The following RPS6KA2 variants were observed in gnomAD, a reference collection of about 807,000 sequenced individuals.
RPS6KA2 encodes the protein ribosomal protein S6 kinase A2.
RPS6KA2 carries 42 observed loss-of-function variants against 91.8 expected under a neutral mutation model. The observed-to-expected ratio is 0.46, with a 90% CI of 0.36 to 0.59. The LOEUF (loss-of-function observed/expected upper bound fraction) is 0.59, where lower values mean the gene tolerates loss of function less well. RPS6KA2 is among the 20% of genes least tolerant of loss of function. The pLI, the probability that RPS6KA2 is intolerant of heterozygous loss-of-function variation, is 0.00. For missense variants in RPS6KA2, 798 were observed against 978.5 expected (o/e 0.82, Z 2.46); for synonymous variants, 414 against 393.6 (o/e 1.05, Z -0.61).
At chr6:166,470,663 C>A (rs1161311378) in intron 10 of RPS6KA2, among the ~76,000 whole-genome samples, 1 of 152,152 alleles carries the variant, frequency 6.6e-6, no homozygotes, top group East Asian at 1.9e-4. Flanking sequence ...CACTGTCCCC[C>A]CAGAACGAGC....
Position 166,568,621 on chromosome 6 carries a change from G to GAAAAAA in RPS6KA2, c.100-29843_100-29838dup, listed in dbSNP as rs60613942. ...ACAACAAGAGCAAAACTCCATCTCA[G>GAAAAAA]AAAAAAAAAAAAAAAAAAAAAAAAA... On this transcript the variant is annotated intron_variant, in intron 1 of 20. Coordinates refer to ENST00000265678, the MANE Select transcript of RPS6KA2 (RefSeq NM_021135.6). Among the ~76,000 whole-genome samples the GAAAAAA allele has an allele frequency of 9.9e-4, 45 of 45,542 alleles. 7 individuals are homozygous for GAAAAAA. The highest frequency in any genetic ancestry group is 1.3e-3 in the Admixed American group (4 of 3,058). 29.9% of individuals were successfully genotyped at this position (45,542 alleles called of 152,430 possible).
intron 14 of RPS6KA2, among the ~76,000 whole-genome samples, chr6:166,443,219 A>T (rs1779574037): frequency 6.6e-6 from 1 of 152,210 alleles, no homozygotes; most frequent in Non-Finnish European, 1.5e-5. Context: ...TTATGGATAT[A>T]GTGAGTTTAT....
intron 3 of RPS6KA2, among the ~76,000 whole-genome samples, chr6:166,515,648 G>A (rs1485717662): frequency 2.6e-5 from 4 of 152,152 alleles, no homozygotes; most frequent in Admixed American, 2.6e-4. Context: ...TGGCTCTGCA[G>A]CAGAGGAGAA....
At position 166,626,865 on chromosome 6, in the gene RPS6KA2, C is replaced by T; in HGVS notation, c.99+56G>A. ...CCAGGGGTGGCGAGGCGGGCTCGGG[C>T]GACCACGGCCCGCTCAGTGCCCGGC... On this transcript the variant is annotated intron_variant, in intron 1 of 20. Transcript: ENST00000265678. This position sits in a 1 kb window ranked among gnomAD's most constrained non-coding sequence, Gnocchi z 4.1. 1 of 1,342,254 alleles carries T rather than the reference C, an allele frequency of 7.5e-7. No individual in the cohort carries two copies. The highest frequency in any genetic ancestry group is 3.1e-5 in the East Asian group (1 of 32,602). The allele number at this position is 1,342,254 out of a possible 1,614,324, so 83.1% of individuals were successfully genotyped here.
intron 12 of RPS6KA2, among the ~76,000 whole-genome samples, chr6:166,458,204 T>G (rs1177739500): frequency 2.0e-5 from 3 of 152,230 alleles, no homozygotes; most frequent in African/African-American, 7.2e-5. Context: ...AATCTCATCT[T>G]GGAGCCCTCA....
chr6:166,457,508 A>G (rs1780141525), intron 12 of RPS6KA2, among the ~76,000 whole-genome samples: 1 of 152,222 alleles, frequency 6.6e-6, no homozygotes, highest in Non-Finnish European at 1.5e-5. Flanking sequence ...AGGCAGCCTC[A>G]TTACATCATG....
At chr6:166,786,086 G>A (rs1562439190) in intron 2 of RPS6KA2, among the ~76,000 whole-genome samples, 1 of 152,124 alleles carries the variant, frequency 6.6e-6, no homozygotes. Context: ...TGTTATTTGA[G>A]AAAATTGAGT....
At chr6:166,553,174 A>G (rs1784070022) in intron 1 of RPS6KA2, among the ~76,000 whole-genome samples, 1 of 152,216 alleles carries the variant, frequency 6.6e-6, no homozygotes, top group South Asian at 2.1e-4. Flanking sequence ...GCTGGAGTGC[A>G]GTGGTGCAAA....
intron 1 of RPS6KA2, among the ~76,000 whole-genome samples, chr6:166,584,688 T>C (rs1333154563): frequency 2.0e-5 from 3 of 152,258 alleles, no homozygotes; most frequent in Non-Finnish European, 4.4e-5. Context: ...CTTTATTTTA[T>C]AGTAATTTTA....
intron 2 of RPS6KA2, among the ~76,000 whole-genome samples, chr6:166,836,941 C>T (rs1399640092): frequency 6.6e-6 from 1 of 152,174 alleles, no homozygotes; most frequent in African/African-American, 2.4e-5. Context: ...CAGTGTGCCC[C>T]GTCTTCAGTC....
At chr6:166,687,539 GA>G (rs1789062049) in intron 2 of RPS6KA2, among the ~76,000 whole-genome samples, 1 of 152,184 alleles carries the variant, frequency 6.6e-6, no homozygotes, top group African/African-American at 2.4e-5. Context: ...GGTTTGGAGG[GA>G]AAATTGTTGA....
At chr6:166,570,541 C>T (rs1053143760) in intron 1 of RPS6KA2, among the ~76,000 whole-genome samples, 4 of 152,118 alleles carry the variant, frequency 2.6e-5, no homozygotes, top group African/African-American at 7.2e-5. Flanking sequence ...GAAGTAAGCA[C>T]AGAAATAGAA....
At position 166,445,366 on chromosome 6, in the gene RPS6KA2, G is replaced by T. The variant is rs906896339; in HGVS notation, c.1332+3358C>A. 2.0e-5 allele frequency among the ~76,000 whole-genome samples: 3 copies of T among 152,142 alleles called. No homozygotes were observed. The highest frequency in any genetic ancestry group is 4.4e-5 in the Non-Finnish European group (3 of 68,022). On this transcript the variant is annotated intron_variant, in intron 14 of 20. Transcript: ENST00000265678. This position sits in a 1 kb window ranked among gnomAD's most constrained non-coding sequence, Gnocchi z 4.5. Reference sequence around the variant, plus strand: ...CCCATCTCCAAAATATCAACCTCCTGGCCTTTATCTACATGAGACCTGCTC... The same window carrying T: ...CCCATCTCCAAAATATCAACCTCCTTGCCTTTATCTACATGAGACCTGCTC...
chr6:166,480,477 T>TATATATATATATATATATATATA (rs1347612534), intron 10 of RPS6KA2, among the ~76,000 whole-genome samples: 32 of 43,876 alleles, frequency 7.3e-4, no homozygotes, highest in South Asian at 3.6e-3. Flanking sequence ...AAGATTGTGA[T>TATATATATATATATATATATATA]TTTATATATA....
chr6:166,764,348 G>T (rs1778250154), intron 2 of RPS6KA2, among the ~76,000 whole-genome samples: 1 of 152,198 alleles, frequency 6.6e-6, no homozygotes, highest in African/African-American at 2.4e-5. Context: ...GGGAGGCTCT[G>T]CCCAGGGTGG....
intron 2 of RPS6KA2, among the ~76,000 whole-genome samples, chr6:166,710,462 A>G (rs1198609212): frequency 6.9e-6 from 1 of 145,740 alleles, no homozygotes; most frequent in East Asian, 2.1e-4. Flanking sequence ...TGTGGGGTAT[A>G]TGTGTATGGT....
At chr6:166,614,934 C>T (rs1786349208) in intron 1 of RPS6KA2, among the ~76,000 whole-genome samples, 1 of 152,172 alleles carries the variant, frequency 6.6e-6, no homozygotes, top group Non-Finnish European at 1.5e-5. Flanking sequence ...GCCCATTTTG[C>T]CACATATGGG....
intron 1 of RPS6KA2, among the ~76,000 whole-genome samples, chr6:166,616,451 T>C (rs1484427265): frequency 6.6e-6 from 1 of 152,188 alleles, no homozygotes; most frequent in Non-Finnish European, 1.5e-5. Flanking sequence ...CCTGAGGCCA[T>C]GTCAACCGAG....
intron 2 of RPS6KA2, among the ~76,000 whole-genome samples, chr6:166,752,214 G>A (rs946611883): frequency 3.9e-5 from 6 of 152,328 alleles, no homozygotes; most frequent in South Asian, 4.1e-4. Flanking sequence ...GCCAATGGGC[G>A]GTATAGCCAC....
Sources: gnomAD v4.1 joint callset for allele counts (sites outside exome capture counted in the v4.1 genomes callset) on GRCh38, gnomAD v4.1.1 for gene constraint, Gnocchi (gnomAD v3.1) non-coding constraint, MANE v1.5 for transcripts, NCBI Gene and HGNC (gene_info 2026-07-23, HGNC 2026-07-21) for gene names.